Variants in CTNND2 observed in about 807,000 individuals in gnomAD.
The protein encoded by CTNND2 is catenin delta 2, also known as catenin delta-2.
CTNND2 carries 22 observed loss-of-function variants against 144.4 expected under a neutral mutation model. That is an observed-to-expected ratio of 0.15 (90% CI 0.11 to 0.22). The LOEUF is 0.22. CTNND2 is among the 10% of genes least tolerant of loss of function. CTNND2 has a pLI of 1.00. For synonymous variants in CTNND2, 751 were observed against 695.6 expected (o/e 1.08, Z -1.25); for missense variants, 1,353 against 1,618.8 (o/e 0.84, Z 2.82).
chr5:11,641,631 C>A (rs934903891), intron 2 of CTNND2, among the ~76,000 whole-genome samples: 9 of 137,556 alleles, frequency 6.5e-5, no homozygotes, highest in Admixed American at 5.6e-4. Context: ...TATACATATA[C>A]GTGTGTGTAT....
chr5:11,185,252 C>T (rs540026906), intron 11 of CTNND2, among the ~76,000 whole-genome samples: 19 of 152,334 alleles, frequency 1.2e-4, no homozygotes, highest in Middle Eastern at 3.4e-3. Context: ...CTGGCCCTCT[C>T]TCCATGCTTT....
intron 10 of CTNND2, among the ~76,000 whole-genome samples, chr5:11,229,693 T>G (rs535436903): frequency 6.6e-6 from 1 of 151,816 alleles, no homozygotes; most frequent in Non-Finnish European, 1.5e-5. Context: ...ACTGTGTATA[T>G]ATACACATAT....
intron 9 of CTNND2, among the ~76,000 whole-genome samples, chr5:11,265,752 C>G (rs1745377394): frequency 7.8e-6 from 1 of 127,848 alleles, no homozygotes; most frequent in Non-Finnish European, 1.5e-5. Context: ...GTAGCCCAGG[C>G]TGGAATGCAG....
chr5:11,594,584 A>C (rs1779415001), intron 2 of CTNND2, among the ~76,000 whole-genome samples: 1 of 152,230 alleles, frequency 6.6e-6, no homozygotes, highest in East Asian at 1.9e-4. Context: ...GAACTAAAGT[A>C]TAAAGGAATC....
rs201174659 is a variant in CTNND2, at chr5:10,992,556, C to T, written c.3206G>A (p.Arg1069His). The change falls in exon 19 of 22, where the codon CGC becomes CAC. Residue 1069 changes from arginine (R) to histidine (H), a missense_variant. This residue lies in a region of CTNND2 where 459 missense variants were observed against 674.3 expected (regional missense o/e 0.68). Transcript: ENST00000304623. ...TAGCCACGGCAGCCTCTTACCTGAG[C>T]GGTTGTTGGGAGACACGCGCACAGG... ...ISPVRVSPNN[R>H]SASAPASPRE... 3.7e-6 allele frequency: 6 copies of T among 1,613,934 alleles called. No homozygotes were observed. In the East Asian group the frequency reaches 6.7e-5, roughly 18 times the overall value.
At chr5:11,575,368 G>A (rs926792984) in intron 2 of CTNND2, among the ~76,000 whole-genome samples, 1 of 152,120 alleles carries the variant, frequency 6.6e-6, no homozygotes, top group Non-Finnish European at 1.5e-5. Flanking sequence ...CTATCGATCT[G>A]GGAAAATCTA....
intron 14 of CTNND2, among the ~76,000 whole-genome samples, chr5:11,109,059 C>T (rs1011974042): frequency 3.9e-5 from 6 of 152,210 alleles, no homozygotes; most frequent in African/African-American, 2.4e-5. Context: ...GGAGACGCGC[C>T]TTCTTGGCAG....
chr5:11,328,881 T>C (rs1752801006), intron 9 of CTNND2, among the ~76,000 whole-genome samples: 2 of 152,182 alleles, frequency 1.3e-5, no homozygotes, highest in African/African-American at 4.8e-5. Flanking sequence ...CTTGTATTAG[T>C]TTACTGGGCC....
chr5:11,742,743 G>T (rs4702815), intron 1 of CTNND2, among the ~76,000 whole-genome samples: 149,959 of 152,282 alleles, frequency 0.98, 73,865 homozygotes, highest in East Asian at 1. Flanking sequence ...ATTTTATTTT[G>T]AAAATCTTCC....
chr5:11,713,942 C>T (rs5010209), intron 2 of CTNND2, among the ~76,000 whole-genome samples: 3 of 151,838 alleles, frequency 2.0e-5, no homozygotes, highest in Non-Finnish European at 2.9e-5. Flanking sequence ...AGCAGGGGGG[C>T]GGGACTCTGA....
Position 11,346,584 on chromosome 5 carries a change from T to C in CTNND2, c.1416A>G (p.Thr472=). The change falls in exon 9 of 22, where the codon ACA becomes ACG. Residue 472 remains threonine (T), a synonymous_variant. Transcript: ENST00000304623. The part of the protein sequence containing the change: ...PGVDSVPLQR[T]GSQHGPQNAA... The stretch of plus-strand genomic sequence containing the variant: ...CATTCTGTGGGCCGTGCTGGCTGCC[T>C]GTGCGCTGCAAGGGGACGGAGTCGA... 1 of 1,589,294 alleles carries C rather than the reference T, an allele frequency of 6.3e-7. No individual in the cohort carries two copies. The highest frequency in any genetic ancestry group is 8.6e-7 in the Non-Finnish European group (1 of 1,167,348).
At chr5:11,528,670 G>A (rs1188726496) in intron 3 of CTNND2, among the ~76,000 whole-genome samples, 1 of 152,164 alleles carries the variant, frequency 6.6e-6, no homozygotes, top group Non-Finnish European at 1.5e-5. Context: ...ATGTAAGCCT[G>A]CACCACAGAG....
chr5:11,239,112 C>T (rs1436155937), intron 9 of CTNND2, among the ~76,000 whole-genome samples: 1 of 152,186 alleles, frequency 6.6e-6, no homozygotes, highest in African/African-American at 2.4e-5. Context: ...TAAACCTATG[C>T]TTTTGGAAAG....
At chr5:11,872,352 A>G (rs1735206013) in intron 1 of CTNND2, among the ~76,000 whole-genome samples, 1 of 152,176 alleles carries the variant, frequency 6.6e-6, no homozygotes, top group Admixed American at 6.5e-5. Flanking sequence ...ACATGTGTGC[A>G]TGTGTCTTTA....
chr5:11,705,120 A>G (rs1373424951), intron 2 of CTNND2, among the ~76,000 whole-genome samples: 1 of 152,174 alleles, frequency 6.6e-6, no homozygotes, highest in African/African-American at 2.4e-5. Flanking sequence ...ACATCTGTCA[A>G]TGGTGCAGGC....
At chr5:11,105,572 A>C (rs1752342707) in intron 14 of CTNND2, among the ~76,000 whole-genome samples, 1 of 152,202 alleles carries the variant, frequency 6.6e-6, no homozygotes, top group African/African-American at 2.4e-5. Context: ...ATGGTGTGGA[A>C]GGCTGAGAGA....
At chr5:11,873,573 A>T (rs1331725034) in intron 1 of CTNND2, among the ~76,000 whole-genome samples, 4 of 152,240 alleles carry the variant, frequency 2.6e-5, no homozygotes, top group Admixed American at 2.0e-4. Context: ...CAATAAAAAC[A>T]TGTTGTGTAT....
At chr5:11,793,199 A>G (rs1791228739) in intron 1 of CTNND2, among the ~76,000 whole-genome samples, 1 of 152,172 alleles carries the variant, frequency 6.6e-6, no homozygotes, top group African/African-American at 2.4e-5. Context: ...ACATAGGCCC[A>G]ACAGGTGGAT....
At position 11,062,703 on chromosome 5, in the gene CTNND2, G is replaced by A. The variant is rs1046674845; in HGVS notation, c.2788+19993C>T. On this transcript the variant is annotated intron_variant, in intron 16 of 21. Transcript: ENST00000304623. The stretch of plus-strand genomic sequence containing the variant: ...GGAGCCCTGTGTGCTGTCGGGGACC[G>A]CGTAAAGGCTTGCCAGGGGGATACA... 5.3e-5 allele frequency among the ~76,000 whole-genome samples: 8 copies of A among 152,356 alleles called. No homozygotes were observed. In the South Asian group the frequency reaches 1.0e-3, roughly 20 times the overall value.
Sources: gnomAD v4.1 joint callset for allele counts (sites outside exome capture counted in the v4.1 genomes callset) on GRCh38, gnomAD v4.1.1 for gene constraint, gnomAD v4.1.1 regional missense constraint, MANE v1.5 for transcripts, NCBI Gene and HGNC (gene_info 2026-07-23, HGNC 2026-07-21) for gene names.